The following ZFAND2A variants were observed in gnomAD, a reference collection of about 807,000 sequenced individuals.
ZFAND2A encodes zinc finger AN1-type containing 2A.
Under a neutral mutation model 11.6 loss-of-function variants are expected in ZFAND2A, and 20 were observed. The observed-to-expected ratio is 1.72, with a 90% CI of 1.21 to 2.50. ZFAND2A has a LOEUF of 2.50. Ranked by LOEUF, ZFAND2A falls within the 30% of genes most tolerant of loss-of-function variation. The pLI, the probability that ZFAND2A is intolerant of heterozygous loss-of-function variation, is 0.00. For missense variants in ZFAND2A, 234 were observed against 182.9 expected (o/e 1.28, Z -1.61); for synonymous variants, 93 against 60.6 (o/e 1.54, Z -2.48).
chr7:1,158,198 A>G lies in ZFAND2A; in HGVS notation c.15T>C (p.Asp5=). MEFP[D]LGKHCSEKTC... ...TCTTTTCTGAACAATGCTTCCCCAA[A>G]TCAGGAAACTCCATTATGAGAACAG... The change falls in exon 2 of 5, where the codon GAT becomes GAC. Residue 5 remains aspartate, a synonymous_variant. Transcript: ENST00000316495. 6.2e-7 allele frequency: 1 copy of G among 1,614,124 alleles called. No homozygotes were observed. Among genetic ancestry groups the G allele is most frequent in the Non-Finnish European group, 8.5e-7 (1 of 1,180,010 alleles).
rs1395330446 is a variant in ZFAND2A at position 1,155,493 on chromosome 7, T to C, written c.242A>G (p.Asp81Gly). 14 of 1,613,780 alleles carry C rather than the reference T, an allele frequency of 8.7e-6. No individual in the cohort carries two copies. Among genetic ancestry groups the C allele is most frequent in the Non-Finnish European group, 1.1e-5 (13 of 1,179,894 alleles). The change falls in exon 4 of 5, where the codon GAC becomes GGC. Residue 81 changes from aspartate (D) to glycine (G), a missense_variant. Asp to Gly is a moderately conservative substitution (Grantham distance 94, BLOSUM62 -1). Coordinates refer to ENST00000316495, the MANE Select transcript of ZFAND2A (RefSeq NM_182491.4). ...IPDVVVGDHI[D>G]RDCDSHPGKK... ...CCCAGGGTGAGAGTCACAGTCTCTG[T>C]CAATGTGATCACCAACCACCACGTC...
rs778892863 is a variant in ZFAND2A, at chr7:1,152,922, A to T, written c.*147T>A. ...ACAACTAGAATCAACTTCAGCATTC[A>T]ATTTTATTATAGTCCCATCTCCCTC... On this transcript the variant is annotated 3_prime_UTR_variant, in exon 5 of 5. Transcript: ENST00000316495. The T allele has an allele frequency of 8.5e-7, 1 of 1,174,768 alleles. No individual in the cohort carries two copies. The highest frequency in any genetic ancestry group is 1.3e-5 in the South Asian group (1 of 76,090). 72.8% of individuals were successfully genotyped at this position (1,174,768 alleles called of 1,614,324 possible).
chr7:1,158,188 G>A lies in ZFAND2A; in HGVS notation c.25C>T (p.His9Tyr), dbSNP rs1276211134. Residue 9 changes from histidine (H) to tyrosine (Y), a missense_variant, in exon 2 of 5, where the codon CAT (histidine) becomes TAT (tyrosine). Transcript: ENST00000316495. The part of the protein sequence containing the change: MEFPDLGK[H>Y]CSEKTCKQLD... ...TGCTTGCAAGTCTTTTCTGAACAAT[G>A]CTTCCCCAAATCAGGAAACTCCATT... 1.2e-6 allele frequency: 2 copies of A among 1,613,978 alleles called. No individual in the cohort carries two copies. Among genetic ancestry groups the A allele is most frequent in the East Asian group, 4.5e-5 (2 of 44,890 alleles).
chr7:1,152,469 G>A (rs6970587), downstream of ZFAND2A: 16 of 1,215,800 alleles, frequency 1.3e-5, no homozygotes, highest in East Asian at 2.6e-5. Context: ...ACCACCAGGT[G>A]CAACAGTTGA....
chr7:1,155,591 A>T lies in ZFAND2A; in HGVS notation c.151-7T>A, dbSNP rs769539571. 1 of 1,611,474 alleles carries T rather than the reference A, an allele frequency of 6.2e-7. No individual in the cohort carries two copies. The highest frequency in any genetic ancestry group is 1.1e-5 in the South Asian group (1 of 90,574). On this transcript the variant is annotated splice_polypyrimidine_tract_variant and splice_region_variant and intron_variant, in intron 3 of 4. Transcript: ENST00000316495. ...ATACTGGGACGTGAACATCCTAAAA[A>T]TAACAAAGGTAAGATGGCATCTGAG... is the stretch of plus-strand genomic sequence containing the variant.
chr7:1,158,833 GAATC>G (rs1467668165), intron 1 of ZFAND2A, among the ~76,000 whole-genome samples: 2 of 152,158 alleles, frequency 1.3e-5, no homozygotes, highest in Non-Finnish European at 2.9e-5. Context: ...ACTCGAGAGA[GAATC>G]AAGGGGCTCA....
downstream of ZFAND2A, chr7:1,152,076 C>T (rs765687585): frequency 3.9e-6 from 3 of 762,044 alleles, no homozygotes; most frequent in Non-Finnish European, 5.8e-6. Context: ...TGTGCTGGAG[C>T]GAGCTGCTTC....
downstream of ZFAND2A, among the ~76,000 whole-genome samples, chr7:1,151,627 T>C (rs1793398971): frequency 6.6e-6 from 1 of 151,828 alleles, no homozygotes; most frequent in Non-Finnish European, 1.5e-5. Context: ...GCATGGCAGT[T>C]TGGTGCCTGT....
At chr7:1,157,818 A>T in intron 2 of ZFAND2A, 68 bp from the exon 3 acceptor site, 1 of 1,229,494 alleles carries the variant, frequency 8.1e-7, no homozygotes, top group Non-Finnish European at 1.1e-6. Flanking sequence ...GTACTATCAA[A>T]GTGTTTACCT....
chr7:1,152,974 G>A lies in ZFAND2A; in HGVS notation c.*95C>T, dbSNP rs1395192904. 1 of 1,501,976 alleles carries A rather than the reference G, an allele frequency of 6.7e-7. No homozygotes were observed. The highest frequency in any genetic ancestry group is 1.9e-5 in the Admixed American group (1 of 53,426). 93.0% of individuals were successfully genotyped at this position (1,501,976 alleles called of 1,614,324 possible). ...ACAAACAAGATCAGCAGCCAGTGTGGGATGGTGCTCAATGGGGCTCCACTT... is the reference window on the plus strand; with the variant it reads ...ACAAACAAGATCAGCAGCCAGTGTGAGATGGTGCTCAATGGGGCTCCACTT... On this transcript the variant is annotated 3_prime_UTR_variant, in exon 5 of 5. Transcript: ENST00000316495.
chr7:1,148,921 G>A (rs907784647), downstream of ZFAND2A, among the ~76,000 whole-genome samples: 2 of 147,890 alleles, frequency 1.4e-5, no homozygotes, highest in Non-Finnish European at 3.0e-5. Flanking sequence ...CAGCCTTGAC[G>A]TCTCCTGAGT....
At chr7:1,159,262 GTGAA>G (rs1317090725) in intron 1 of ZFAND2A, among the ~76,000 whole-genome samples, 1 of 152,236 alleles carries the variant, frequency 6.6e-6, no homozygotes, top group Non-Finnish European at 1.5e-5. Context: ...AGAGTTTGAT[GTGAA>G]TCCCCAAATG....
At chr7:1,149,993 C>A (rs992211994), downstream of ZFAND2A, among the ~76,000 whole-genome samples, 2 of 151,952 alleles carry the variant, frequency 1.3e-5, no homozygotes, top group African/African-American at 4.8e-5. Flanking sequence ...GCTGGGATTA[C>A]AGGCATGCAC....
chr7:1,156,062 G>A (rs886488503), intron 3 of ZFAND2A, among the ~76,000 whole-genome samples: 13 of 152,250 alleles, frequency 8.5e-5, no homozygotes, highest in Admixed American at 2.0e-4. Flanking sequence ...AGGTACTAAC[G>A]ACCGTCACTG....
At chr7:1,159,122 G>C (rs1380010658) in intron 1 of ZFAND2A, among the ~76,000 whole-genome samples, 2 of 152,174 alleles carry the variant, frequency 1.3e-5, no homozygotes, top group African/African-American at 4.8e-5. Flanking sequence ...GCTACTTAAG[G>C]TGCCCATTAG....
downstream of ZFAND2A, among the ~76,000 whole-genome samples, chr7:1,149,613 C>G (rs1228126308): frequency 6.6e-6 from 1 of 152,196 alleles, no homozygotes; most frequent in African/African-American, 2.4e-5. Flanking sequence ...TGCAAGCATC[C>G]TACAGGGACT....
chr7:1,150,207 T>C (rs977015407), downstream of ZFAND2A, among the ~76,000 whole-genome samples: 3 of 152,018 alleles, frequency 2.0e-5, no homozygotes, highest in African/African-American at 7.3e-5. Context: ...CACCAACATA[T>C]ACACGGTCCG....
chr7:1,149,784 G>C (rs761458173), downstream of ZFAND2A, among the ~76,000 whole-genome samples: 1 of 152,154 alleles, frequency 6.6e-6, no homozygotes, highest in African/African-American at 2.4e-5. Flanking sequence ...GGCGTGGTGC[G>C]GTCCAGCTTG....
intron 4 of ZFAND2A, 21 bp from the exon 5 acceptor site, chr7:1,153,245 C>T (rs1397081731): frequency 2.5e-6 from 4 of 1,605,064 alleles, no homozygotes; most frequent in East Asian, 2.2e-5. Context: ...AAAGTGACTT[C>T]AACAAGCAAT....
Sources: gnomAD v4.1 joint callset for allele counts (sites outside exome capture counted in the v4.1 genomes callset) on GRCh38, gnomAD v4.1.1 for gene constraint, MANE v1.5 for transcripts, NCBI Gene and HGNC (gene_info 2026-07-23, HGNC 2026-07-21) for gene names.